The following SLC25A16 variants were observed in gnomAD, a reference collection of about 807,000 sequenced individuals.
SLC25A16 encodes the protein mitochondrial coenzyme A transporter SLC25A16.
In SLC25A16, 39 loss-of-function variants were observed where a neutral mutation model predicts 41.5. The ratio of observed to expected loss-of-function variants is 0.94; its 90% CI spans 0.73 to 1.23. The LOEUF (loss-of-function observed/expected upper bound fraction) is 1.23, where lower values mean the gene tolerates loss of function less well. Among genes scored for constraint, SLC25A16 ranks in the 50% most tolerant of loss-of-function variants. The pLI is 0.00. For synonymous variants in SLC25A16, 146 were observed against 147.8 expected (o/e 0.99, Z 0.09); for missense variants, 421 against 426.9 (o/e 0.99, Z 0.12).
Position 68,526,360 on chromosome 10 carries a change from C to T in SLC25A16, c.130+886G>A, listed in dbSNP as rs28642028. ...ACTTAATCCTTTACATTGTCTATGA[C>T]GCAAAGACCTTTGTTCACGTGTTTG... On this transcript the variant is annotated intron_variant, in intron 1 of 8. Coordinates refer to ENST00000609923, the MANE Select transcript of SLC25A16 (RefSeq NM_152707.4). Among the ~76,000 whole-genome samples the T allele has an allele frequency of 2.1e-4, 32 of 152,282 alleles. No individual in the cohort carries two copies. In the East Asian group the frequency reaches 4.2e-3, roughly 20 times the overall value.
chr10:68,503,488 G>T, intron 4 of SLC25A16, 144 bp downstream of exon 4: 1 of 499,214 alleles, frequency 2.0e-6, no homozygotes, highest in Non-Finnish European at 3.6e-6. Flanking sequence ...ACCTTTTTTT[G>T]AGGATGCACC....
chr10:68,520,609 C>T (rs538406344), intron 1 of SLC25A16, among the ~76,000 whole-genome samples: 1 of 151,890 alleles, frequency 6.6e-6, no homozygotes, highest in Non-Finnish European at 1.5e-5. Context: ...GTCAGAAGTT[C>T]GAAACCAGCC....
At chr10:68,524,874 C>T (rs952152421) in intron 1 of SLC25A16, among the ~76,000 whole-genome samples, 1 of 151,512 alleles carries the variant, frequency 6.6e-6, no homozygotes, top group Non-Finnish European at 1.5e-5. Flanking sequence ...GAGACTCCAT[C>T]TCAAAAAAGA....
At position 68,488,781 on chromosome 10, in the gene SLC25A16, G is replaced by T. The variant is rs1016340561; in HGVS notation, c.611-152C>A. 2.3e-5 allele frequency: 15 copies of T among 665,034 alleles called. 1 individual carries two copies. Among genetic ancestry groups the T allele is most frequent in the East Asian group, 5.7e-5 (2 of 34,932 alleles). 41.2% of individuals were successfully genotyped at this position (665,034 alleles called of 1,614,324 possible). On this transcript the variant is annotated intron_variant, in intron 6 of 8. Coordinates refer to ENST00000609923, the MANE Select transcript of SLC25A16 (RefSeq NM_152707.4). ...TTGTGTACATAAATAACCTAAAGAT[G>T]ACAAAATTACCACCAATAAAAAATT...
chr10:68,506,023 C>T (rs1226983425), intron 3 of SLC25A16, among the ~76,000 whole-genome samples: 1 of 151,426 alleles, frequency 6.6e-6, no homozygotes, highest in Non-Finnish European at 1.5e-5. Flanking sequence ...CAGAGTGAGA[C>T]TCCATCTCAA....
chr10:68,498,300 T>A (rs2052784170), intron 4 of SLC25A16, among the ~76,000 whole-genome samples: 2 of 151,836 alleles, frequency 1.3e-5, no homozygotes, highest in Admixed American at 6.6e-5. Context: ...TCAAGGGAGA[T>A]ATTTTTTTAT....
chr10:68,511,748 A>AGT (rs1465736317), intron 2 of SLC25A16, among the ~76,000 whole-genome samples: 1 of 152,144 alleles, frequency 6.6e-6, no homozygotes, highest in African/African-American at 2.4e-5. Context: ...GCTGGAGTGC[A>AGT]GTGGCACAAT....
Position 68,516,822 on chromosome 10 carries a change from T to G in SLC25A16, c.152A>C (p.Lys51Thr). 6.2e-7 allele frequency: 1 copy of G among 1,613,524 alleles called. No homozygotes were observed. The highest frequency in any genetic ancestry group is 1.3e-5 in the African/African-American group (1 of 75,038). The change falls in exon 2 of 9, where the codon AAA (lysine) becomes ACA (threonine). Residue 51 changes from lysine to threonine, a missense_variant. Lys to Thr is a moderately conservative substitution (Grantham distance 78). Transcript: ENST00000609923. The stretch of plus-strand genomic sequence containing the variant: ...TCGATCCAATGGAGCAACTGTTGTT[T>G]TGGCACAGCATCCAGCAATACCTAA... ...LAGGIAGCCAKTTVAPLDRVK... is the reference protein window; with the variant it reads ...LAGGIAGCCATTTVAPLDRVK...
chr10:68,496,841 C>T (rs4746771), intron 4 of SLC25A16: 3,568 of 261,712 alleles, frequency 0.014, 61 homozygotes, highest in Admixed American at 0.061. Context: ...GATGGGGTCT[C>T]GCTCTGTCAC....
chr10:68,506,412 T>C (rs995509980), intron 3 of SLC25A16, among the ~76,000 whole-genome samples, 173 bp downstream of exon 3: 6 of 151,712 alleles, frequency 4.0e-5, no homozygotes, highest in African/African-American at 1.5e-4. Flanking sequence ...CGTGCCACTG[T>C]ACCCCAGCCT....
At chr10:68,485,000 T>TA (rs764356695) in intron 8 of SLC25A16, among the ~76,000 whole-genome samples, 5 of 151,962 alleles carry the variant, frequency 3.3e-5, no homozygotes, top group African/African-American at 4.8e-5. Flanking sequence ...AGTTTGTATT[T>TA]AAAAAAAAGA....
Position 68,483,376 on chromosome 10 carries a change from A to T in SLC25A16, c.*56T>A. On this transcript the variant is annotated 3_prime_UTR_variant, in exon 9 of 9. Transcript: ENST00000609923. ...GTAATGTTCCCCCCACAATTATAGT[A>T]ATGTTTCATTTCTCCCTCTGAGAAT... is the stretch of plus-strand genomic sequence containing the variant. The T allele has an allele frequency of 8.8e-7, 1 of 1,137,614 alleles. No homozygotes were observed. Among genetic ancestry groups the T allele is most frequent in the Non-Finnish European group, 1.3e-6 (1 of 795,998 alleles). The allele number at this position is 1,137,614 out of a possible 1,614,324, so 70.5% of individuals were successfully genotyped here.
chr10:68,516,076 C>T (rs1361670517), intron 2 of SLC25A16, among the ~76,000 whole-genome samples: 1 of 152,008 alleles, frequency 6.6e-6, no homozygotes, highest in Non-Finnish European at 1.5e-5. Flanking sequence ...ACAAATTTGC[C>T]CATTTGAAAT....
Position 68,527,522 on chromosome 10 carries a change from A to G in SLC25A16, c.-147T>C. ...GCGGCGCGGCGCCGGCTGATGGCGT[A>G]CAGCAAGGGCGGGGCCTGTGTCACG... is the stretch of plus-strand genomic sequence containing the variant. On this transcript the variant is annotated 5_prime_UTR_variant, in exon 1 of 9. Coordinates refer to ENST00000609923, the MANE Select transcript of SLC25A16 (RefSeq NM_152707.4). 1.4e-6 allele frequency: 1 copy of G among 724,972 alleles called. No individual in the cohort carries two copies. The highest frequency in any genetic ancestry group is 2.1e-6 in the Non-Finnish European group (1 of 471,844). 44.9% of individuals were successfully genotyped at this position (724,972 alleles called of 1,614,324 possible).
chr10:68,483,721 G>A (rs949605066), intron 8 of SLC25A16, 133 bp from the exon 9 acceptor site: 17 of 651,280 alleles, frequency 2.6e-5, no homozygotes, highest in Non-Finnish European at 4.1e-5. Context: ...GGATTGCAGT[G>A]GCATGATCTT....
At chr10:68,491,982 C>T (rs2052666713) in intron 6 of SLC25A16, among the ~76,000 whole-genome samples, 1 of 152,120 alleles carries the variant, frequency 6.6e-6, no homozygotes, top group Non-Finnish European at 1.5e-5. Context: ...GCACACGCCA[C>T]CAAGCCAGCT....
chr10:68,507,367 G>A (rs529649861), intron 2 of SLC25A16, among the ~76,000 whole-genome samples: 1 of 152,046 alleles, frequency 6.6e-6, no homozygotes, highest in East Asian at 1.9e-4. Flanking sequence ...CACTGCACCT[G>A]GCCCTGAAGA....
At chr10:68,489,296 AAC>A (rs1398431239) in intron 6 of SLC25A16, among the ~76,000 whole-genome samples, 2 of 152,302 alleles carry the variant, frequency 1.3e-5, no homozygotes, top group African/African-American at 4.8e-5. Flanking sequence ...AAAACAAAAA[AAC>A]AGTGATGGTG....
chr10:68,522,478 G>C (rs139131909), intron 1 of SLC25A16, among the ~76,000 whole-genome samples: 34 of 152,064 alleles, frequency 2.2e-4, no homozygotes, highest in African/African-American at 8.0e-4. Flanking sequence ...TCAGGAATTC[G>C]AGACCAGTCT....
Sources: gnomAD v4.1 joint callset for allele counts (sites outside exome capture counted in the v4.1 genomes callset) on GRCh38, gnomAD v4.1.1 for gene constraint, MANE v1.5 for transcripts, NCBI Gene and HGNC (gene_info 2026-07-23, HGNC 2026-07-21) for gene names.